Variants in MTUS2 observed in about 807,000 individuals in gnomAD.
MTUS2 encodes the protein microtubule-associated tumor suppressor candidate 2.
Under a neutral mutation model 114.1 loss-of-function variants are expected in MTUS2, and 40 were observed. The observed-to-expected ratio is 0.35, with a 90% confidence interval of 0.27 to 0.46. MTUS2 has a LOEUF of 0.46. Among genes scored for constraint, MTUS2 ranks in the 20% least tolerant of loss-of-function variants. MTUS2 has a pLI of 1.00. For synonymous variants in MTUS2, 688 were observed against 672.0 expected (o/e 1.02, Z -0.37); for missense variants, 1,679 against 1,705.4 (o/e 0.98, Z 0.27).
In MTUS2 at chr13:29,148,472, CTTTTTTT is replaced by C. The variant is rs976334425; in HGVS notation, c.2644+47520_2644+47526del. Reference sequence around the variant, plus strand: ...GTGAGAACATGCTGTGTTTGGTTTTCTTTTTTTTTTTTTTTTTTTTTTTTGAGACGGA... The same window carrying C: ...GTGAGAACATGCTGTGTTTGGTTTTCTTTTTTTTTTTTTTTTTGAGACGGA... On this transcript the variant is annotated intron_variant, in intron 5 of 15. Transcript: ENST00000612955. 1.0e-3 allele frequency among the ~76,000 whole-genome samples: 74 copies of C among 71,368 alleles called. 6 individuals are homozygous for C. Among genetic ancestry groups the C allele is most frequent in the South Asian group, 4.1e-3 (8 of 1,958 alleles). 46.8% of individuals were successfully genotyped at this position (71,368 alleles called of 152,430 possible).
At chr13:28,823,056 G>T (rs1874017350) in intron 1 of MTUS2, among the ~76,000 whole-genome samples, 1 of 152,158 alleles carries the variant, frequency 6.6e-6, no homozygotes, top group Non-Finnish European at 1.5e-5. Flanking sequence ...TTGGGGAAGG[G>T]AGGAAAGTGG....
chr13:29,427,920 G>A (rs1004458333), intron 8 of MTUS2, among the ~76,000 whole-genome samples: 1 of 151,996 alleles, frequency 6.6e-6, no homozygotes, highest in African/African-American at 2.4e-5. Context: ...TCTTTTTTGA[G>A]AAAACAAAAA....
intron 4 of MTUS2, among the ~76,000 whole-genome samples, chr13:29,062,764 A>G (rs898278318): frequency 2.0e-5 from 3 of 152,196 alleles, no homozygotes; most frequent in Admixed American, 6.5e-5. Context: ...AGAACTGGAC[A>G]TGCAAGAAAT....
chr13:29,360,843 A>G (rs1396627491), intron 8 of MTUS2, among the ~76,000 whole-genome samples: 1 of 152,178 alleles, frequency 6.6e-6, no homozygotes, highest in African/African-American at 2.4e-5. Flanking sequence ...AGAGGAAAAC[A>G]GGGCTGTTCC....
chr13:29,312,591 A>T (rs1030436291), intron 6 of MTUS2, among the ~76,000 whole-genome samples: 2 of 152,232 alleles, frequency 1.3e-5, no homozygotes, highest in Admixed American at 1.3e-4. Context: ...GTAGAAAGAG[A>T]CAAATAATCC....
At chr13:29,332,367 C>A (rs536241857) in intron 7 of MTUS2, among the ~76,000 whole-genome samples, 2 of 152,018 alleles carry the variant, frequency 1.3e-5, no homozygotes, top group African/African-American at 4.8e-5. Context: ...ATAGTATTCT[C>A]GGATGGTAGT....
intron 5 of MTUS2, among the ~76,000 whole-genome samples, chr13:29,199,331 A>G (rs1894838434): frequency 6.6e-6 from 1 of 152,240 alleles, no homozygotes. Flanking sequence ...TGGGTTTATC[A>G]TAAATAGCTC....
chr13:29,384,608 C>T (rs1360085882), intron 8 of MTUS2, among the ~76,000 whole-genome samples: 1 of 152,192 alleles, frequency 6.6e-6, no homozygotes, highest in Non-Finnish European at 1.5e-5. Flanking sequence ...TTACCAAGGA[C>T]CGTGTTCTGT....
intron 5 of MTUS2, among the ~76,000 whole-genome samples, chr13:29,224,262 G>A (rs1896020799): frequency 1.3e-5 from 2 of 152,168 alleles, no homozygotes; most frequent in African/African-American, 4.8e-5. Context: ...TAGTACCTTG[G>A]CAATATATTG....
At chr13:29,378,339 T>C (rs1871916440) in intron 8 of MTUS2, among the ~76,000 whole-genome samples, 1 of 152,118 alleles carries the variant, frequency 6.6e-6, no homozygotes, top group South Asian at 2.1e-4. Context: ...CTTATTGTCC[T>C]TTGGGTGTTA....
chr13:29,052,430 G>C (rs532682609), intron 4 of MTUS2, among the ~76,000 whole-genome samples: 1 of 127,592 alleles, frequency 7.8e-6, no homozygotes, highest in Non-Finnish European at 1.6e-5. Flanking sequence ...GCAGTGAGCC[G>C]AGATCACACC....
chr13:29,422,314 T>G (rs931219494), intron 8 of MTUS2, among the ~76,000 whole-genome samples: 1 of 152,204 alleles, frequency 6.6e-6, no homozygotes, highest in Non-Finnish European at 1.5e-5. Flanking sequence ...CCTCATTTAC[T>G]CATCTGTAAA....
chr13:28,862,320 A>C (rs557577638), intron 2 of MTUS2, among the ~76,000 whole-genome samples: 4 of 152,312 alleles, frequency 2.6e-5, no homozygotes, highest in African/African-American at 9.6e-5. Flanking sequence ...AAGAAAACAG[A>C]ATTTAAATGG....
At chr13:28,922,101 C>A (rs577583026) in intron 2 of MTUS2, among the ~76,000 whole-genome samples, 12 of 152,150 alleles carry the variant, frequency 7.9e-5, no homozygotes, top group African/African-American at 1.2e-4. Context: ...TGAGTGAGTT[C>A]TCATGAGATC....
chr13:29,454,786 T>C (rs1412836889), intron 9 of MTUS2, among the ~76,000 whole-genome samples: 1 of 152,226 alleles, frequency 6.6e-6, no homozygotes, highest in Admixed American at 6.5e-5. Context: ...TAACTATTTC[T>C]TTTCTAGTTC....
intron 8 of MTUS2, among the ~76,000 whole-genome samples, chr13:29,392,679 G>A (rs765714916): frequency 3.3e-5 from 5 of 152,178 alleles, no homozygotes; most frequent in Non-Finnish European, 7.3e-5. Context: ...AGTGGACATA[G>A]GGAGGTCCCT....
At chr13:29,488,145 C>G (rs1266281933) in intron 11 of MTUS2, 140 bp downstream of exon 11, 1 of 659,294 alleles carries the variant, frequency 1.5e-6, no homozygotes, top group African/African-American at 1.8e-5. Flanking sequence ...TTCCTGTTGG[C>G]TCCTGGGAAA....
intron 2 of MTUS2, among the ~76,000 whole-genome samples, chr13:28,967,676 C>T (rs897135734): frequency 9.9e-5 from 15 of 152,242 alleles, no homozygotes; most frequent in East Asian, 9.7e-4. Context: ...TTTAGAGCTC[C>T]GTGGCCCTTC....
intron 5 of MTUS2, among the ~76,000 whole-genome samples, chr13:29,156,619 T>C (rs1025510078): frequency 6.6e-6 from 1 of 152,158 alleles, no homozygotes; most frequent in Non-Finnish European, 1.5e-5. Flanking sequence ...TTTCGTCAAA[T>C]TGTGGCAACG....
Sources: gnomAD v4.1 joint callset for allele counts (sites outside exome capture counted in the v4.1 genomes callset) on GRCh38, gnomAD v4.1.1 for gene constraint, MANE v1.5 for transcripts, NCBI Gene and HGNC (gene_info 2026-07-23, HGNC 2026-07-21) for gene names.